The following PURG variants were observed in gnomAD, a reference collection of about 807,000 sequenced individuals.
The protein encoded by PURG is purine-rich element-binding protein gamma.
Under a neutral mutation model 24.3 loss-of-function variants are expected in PURG, and 3 were observed. The ratio of observed to expected loss-of-function variants is 0.12; its 90% CI spans 0.06 to 0.32. The LOEUF is 0.32. Ranked by LOEUF, PURG falls within the 10% of genes least tolerant of loss-of-function variation. The pLI is 1.00. For synonymous variants in PURG, 180 were observed against 173.1 expected, an observed-to-expected ratio of 1.04 and a Z score of -0.31; for missense variants, 371 against 439.1, an observed-to-expected ratio of 0.84 and a Z score of 1.39.
chr8:31,008,873 C>T (rs947417966), intron 1 of PURG, among the ~76,000 whole-genome samples: 2 of 152,124 alleles, frequency 1.3e-5, no homozygotes, highest in African/African-American at 4.8e-5. Context: ...TTATACTAGG[C>T]CACTGAGATT....
At position 31,003,906 on chromosome 8, in the gene PURG, G is replaced by A. The variant is rs766275222; in HGVS notation, c.865-7209C>T. On this transcript the variant is annotated intron_variant, in intron 1 of 1. Coordinates refer to the PURG transcript ENST00000339382. ...TTATTTCAGTCTTGAAGGTGGAGAT[G>A]GTAAGAATAGGGGTGGACTAGCCAA... Among the ~76,000 whole-genome samples the A allele has an allele frequency of 2.0e-5, 3 of 152,178 alleles. No individual in the cohort carries two copies. The South Asian group carries it at 6.2e-4, about 32-fold the overall frequency.
chr8:31,014,758 C>G (rs1441549469), intron 1 of PURG, among the ~76,000 whole-genome samples: 1 of 152,086 alleles, frequency 6.6e-6, no homozygotes, highest in African/African-American at 2.4e-5. Flanking sequence ...CAGGAAAAAG[C>G]CAAGGAAATT....
At position 31,031,837 on chromosome 8, in the gene PURG, T is replaced by C; in HGVS notation, c.946A>G (p.Lys316Glu). 1 of 1,591,628 alleles carries C rather than the reference T, an allele frequency of 6.3e-7. No individual in the cohort carries two copies. Among genetic ancestry groups the C allele is most frequent in the Non-Finnish European group, 8.6e-7 (1 of 1,167,826 alleles). Residue 316 changes from lysine to glutamate, a missense_variant, in exon 2 of 2, where the codon AAG becomes GAG. Transcript: ENST00000523392. Reference sequence around the variant, plus strand: ...ATTTTCCTCATCTCTTCTTCATACTTGATAAAATTCTCCCCAAACCTTGTC... The same window carrying C: ...ATTTTCCTCATCTCTTCTTCATACTCGATAAAATTCTCCCCAAACCTTGTC... ...AWTRFGENFI[K>E]YEEEMRKICN...
intron 1 of PURG, among the ~76,000 whole-genome samples, chr8:31,016,016 G>C (rs1810856118): frequency 6.6e-6 from 1 of 152,180 alleles, no homozygotes; most frequent in Non-Finnish European, 1.5e-5. Flanking sequence ...TTGGGTCACT[G>C]CACTCCAGCT....
intron 1 of PURG, among the ~76,000 whole-genome samples, chr8:31,021,180 A>G (rs1810981765): frequency 6.6e-6 from 1 of 152,216 alleles, no homozygotes; most frequent in African/African-American, 2.4e-5. Flanking sequence ...ATAAGATGGC[A>G]GGAAAAAGTT....
chr8:31,012,678 C>G (rs542591141), intron 1 of PURG, among the ~76,000 whole-genome samples: 44 of 152,312 alleles, frequency 2.9e-4, no homozygotes, highest in African/African-American at 1.0e-3. Context: ...CCAATTCCCT[C>G]AATTTATGGA....
At chr8:31,003,717 G>A (rs536349732) in intron 1 of PURG, among the ~76,000 whole-genome samples, 24 of 151,844 alleles carry the variant, frequency 1.6e-4, no homozygotes, top group African/African-American at 4.8e-4. Flanking sequence ...ACCCGAGATC[G>A]CCCCACTGCA....
downstream of PURG, among the ~76,000 whole-genome samples, chr8:31,029,406 T>A (rs1245318851): frequency 6.6e-6 from 1 of 151,758 alleles, no homozygotes; most frequent in Non-Finnish European, 1.5e-5. Context: ...AAACTAAATT[T>A]AATAATGTTT....
chr8:31,026,002 T>G (rs1173132249), downstream of PURG, among the ~76,000 whole-genome samples: 1 of 151,920 alleles, frequency 6.6e-6, no homozygotes, highest in Non-Finnish European at 1.5e-5. Context: ...AGTTACCTAT[T>G]TGCTTAAACT....
chr8:30,996,604 C>A (rs1301181237), exon 2 of PURG: 1 of 1,605,592 alleles, frequency 6.2e-7, no homozygotes, highest in Non-Finnish European at 8.5e-7. Context: ...TATTCCTCAA[C>A]TGTTTTTGTA....
At chr8:31,030,700 GATTAT>G (rs1279146180), downstream of PURG, 1 of 151,652 alleles carries the variant, frequency 6.6e-6, no homozygotes, top group African/African-American at 2.4e-5. Flanking sequence ...TAAAATTCAG[GATTAT>G]ATTGGAAGTG....
chr8:31,007,720 G>T (rs998849279), intron 1 of PURG, among the ~76,000 whole-genome samples: 2 of 152,120 alleles, frequency 1.3e-5, no homozygotes, highest in African/African-American at 4.8e-5. Context: ...CATCAAAATC[G>T]ATGGTAGATC....
intron 1 of PURG, among the ~76,000 whole-genome samples, chr8:31,016,151 G>A (rs192255461): frequency 5.9e-5 from 9 of 152,048 alleles, no homozygotes; most frequent in East Asian, 5.8e-4. Context: ...AGGCCAAGGC[G>A]GGCAGGTCAG....
chr8:31,031,063 C>T lies in PURG; in HGVS notation c.*676G>A, dbSNP rs1217664546. On this transcript the variant is annotated 3_prime_UTR_variant, in exon 2 of 2. Coordinates refer to ENST00000523392, the MANE Select transcript of PURG (RefSeq NM_001323311.2). ...GGGATTGTAACTAAACTTAGAATAA[C>T]GAATTAAAACTCTCCCATGGCTTTG... The T allele has an allele frequency of 1.3e-5, 2 of 152,376 alleles. No individual in the cohort carries two copies. Among genetic ancestry groups the T allele is most frequent in the South Asian group, 2.1e-4 (1 of 4,826 alleles). 9.4% of individuals were successfully genotyped at this position (152,376 alleles called of 1,614,324 possible). A position where few individuals can be genotyped will look rare whatever the true frequency, so the allele number is the denominator to read the frequency against.
intron 1 of PURG, among the ~76,000 whole-genome samples, chr8:31,019,110 C>T (rs1241354890): frequency 4.6e-5 from 4 of 86,272 alleles, no homozygotes; most frequent in African/African-American, 4.8e-5. Flanking sequence ...GGTGACAGAG[C>T]GAGACTCTGT....
At chr8:31,019,327 ATTTTTT>A (rs771463137) in intron 1 of PURG, among the ~76,000 whole-genome samples, 3 of 78,960 alleles carry the variant, frequency 3.8e-5, no homozygotes, top group East Asian at 6.3e-4. Flanking sequence ...AACACCTCTA[ATTTTTT>A]TTTTTTTTTT....
chr8:30,996,701 A>C (rs773051735), intron 1 of PURG: 65 of 1,597,586 alleles, frequency 4.1e-5, no homozygotes, highest in Non-Finnish European at 5.2e-5. Context: ...TTGTGAGCTA[A>C]AGAAAAAATA....
At chr8:31,027,204 C>A (rs971121578), downstream of PURG, among the ~76,000 whole-genome samples, 6 of 151,628 alleles carry the variant, frequency 4.0e-5, no homozygotes, top group African/African-American at 1.4e-4. Context: ...AAATATTACA[C>A]CTGTATTATT....
chr8:31,019,570 T>C (rs1167817612), intron 1 of PURG, among the ~76,000 whole-genome samples: 1 of 151,688 alleles, frequency 6.6e-6, no homozygotes, highest in East Asian at 2.0e-4. Context: ...TGACCTCAAA[T>C]GATCTGCCTG....
Sources: gnomAD v4.1 joint callset for allele counts (sites outside exome capture counted in the v4.1 genomes callset) on GRCh38, gnomAD v4.1.1 for gene constraint, MANE v1.5 for transcripts, NCBI Gene and HGNC (gene_info 2026-07-23, HGNC 2026-07-21) for gene names.